Variants in CTNNA3 observed in about 807,000 individuals in gnomAD.
CTNNA3 encodes the protein catenin alpha 3.
CTNNA3 carries 76 observed loss-of-function variants against 95.7 expected under a neutral mutation model. The observed-to-expected ratio is 0.79, with a 90% CI of 0.66 to 0.96. The LOEUF is 0.96. CTNNA3 is among the 40% of genes least tolerant of loss of function. The pLI is 0.00. For missense variants in CTNNA3, 1,191 were observed against 1,089.8 expected, an observed-to-expected ratio of 1.09 and a Z score of -1.31; for synonymous variants, 431 against 374.4, an observed-to-expected ratio of 1.15 and a Z score of -1.74.
At position 65,919,008 on chromosome 10, in the gene CTNNA3, C is replaced by A. The variant is rs548609584; in HGVS notation, c.*1322G>T. The A allele has an allele frequency of 3.3e-5, 5 of 151,682 alleles. No homozygotes were observed. The East Asian group carries it at 9.7e-4, about 29-fold the overall frequency. The allele number at this position is 151,682 out of a possible 1,614,324, so 9.4% of individuals were successfully genotyped here. ...AGAAGTAAAAAGGTACAATATAATA[C>A]TATTATGATAATGTAGAATAGAAAA... On this transcript the variant is annotated 3_prime_UTR_variant, in exon 18 of 18. Coordinates refer to ENST00000433211, the MANE Select transcript of CTNNA3 (RefSeq NM_013266.4).
upstream of CTNNA3, among the ~76,000 whole-genome samples, chr10:67,696,910 G>A (rs1186122814): frequency 3.3e-5 from 5 of 151,936 alleles, no homozygotes; most frequent in East Asian, 7.7e-4. Context: ...CCATTTTTCC[G>A]ACTTTCTTCT....
intron 1 of CTNNA3, among the ~76,000 whole-genome samples, chr10:67,659,842 T>C (rs1840129570): frequency 6.6e-6 from 1 of 152,196 alleles, no homozygotes; most frequent in South Asian, 2.1e-4. Context: ...TCTGATATTT[T>C]TAAAAAGCAG....
chr10:67,019,270 G>A (rs1852843654), intron 7 of CTNNA3, among the ~76,000 whole-genome samples: 1 of 152,172 alleles, frequency 6.6e-6, no homozygotes, highest in Non-Finnish European at 1.5e-5. Context: ...CCAGGCTGGA[G>A]TGTAATGGCG....
chr10:67,580,280 C>T (rs1842337976), intron 3 of CTNNA3, among the ~76,000 whole-genome samples: 2 of 152,170 alleles, frequency 1.3e-5, no homozygotes, highest in African/African-American at 4.8e-5. Flanking sequence ...ATATGGCTAG[C>T]AAGTTTTCCC....
rs372418437 is a variant in CTNNA3, at chr10:66,621,361, C to T, written c.1374+331G>A. 5.3e-5 allele frequency among the ~76,000 whole-genome samples: 8 copies of T among 151,966 alleles called. 1 individual carries two copies. In the East Asian group the frequency reaches 9.7e-4, roughly 18 times the overall value. On this transcript the variant is annotated intron_variant, in intron 10 of 17. Transcript: ENST00000433211. ...CATTTTGGCTGGGCACGGTGGCTCA[C>T]GCCTGTAATCCCAACAGTTTGGGAG... is the stretch of plus-strand genomic sequence containing the variant.
In CTNNA3 at chr10:67,726,398, T is replaced by C. The variant is rs1258795136; in HGVS notation, c.-2+37036A>G. ...ATTATATATGAAATTATATATATTA[T>C]ATATTATATCATATATAATATTATA... On this transcript the variant is annotated intron_variant, in intron 1 of 17. Coordinates refer to the CTNNA3 transcript ENST00000684154. Among the ~76,000 whole-genome samples, 18 of 66,138 alleles carry C rather than the reference T, an allele frequency of 2.7e-4. 2 individuals are homozygous for C. The highest frequency in any genetic ancestry group is 5.3e-4 in the Admixed American group (2 of 3,746). The allele number at this position is 66,138 out of a possible 152,430, so 43.4% of individuals were successfully genotyped here.
At chr10:66,451,134 G>A (rs4746592) in intron 11 of CTNNA3, among the ~76,000 whole-genome samples, 58,174 of 151,878 alleles carry the variant, frequency 0.38, 11,714 homozygotes, top group African/African-American at 0.5. Context: ...AATTGCCTTC[G>A]TGTGATAGTC....
chr10:67,032,546 A>T (rs1326959486), intron 7 of CTNNA3, among the ~76,000 whole-genome samples: 1 of 152,158 alleles, frequency 6.6e-6, no homozygotes, highest in Non-Finnish European at 1.5e-5. Flanking sequence ...CTCTCTACAG[A>T]TTTCTTTTAT....
intron 7 of CTNNA3, among the ~76,000 whole-genome samples, chr10:66,931,195 A>AAAG (rs1211160054): frequency 6.7e-6 from 1 of 148,742 alleles, no homozygotes. Context: ...CAACAGTTAA[A>AAAG]AAAAAAAAAA....
intron 10 of CTNNA3, among the ~76,000 whole-genome samples, chr10:66,598,452 G>C (rs953774505): frequency 6.6e-6 from 1 of 151,936 alleles, no homozygotes. Context: ...ATCCAAATTG[G>C]AAATGAGGAA....
intron 7 of CTNNA3, among the ~76,000 whole-genome samples, chr10:67,039,668 A>T (rs1854276141): frequency 6.6e-6 from 1 of 152,140 alleles, no homozygotes; most frequent in African/African-American, 2.4e-5. Flanking sequence ...ATCATGACAG[A>T]ACACCAGCAT....
At chr10:67,595,711 C>CT (rs2133356789) in intron 3 of CTNNA3, among the ~76,000 whole-genome samples, 1 of 152,240 alleles carries the variant, frequency 6.6e-6, no homozygotes, top group East Asian at 1.9e-4. Context: ...CATGGTCTGT[C>CT]TAATTCTGTC....
chr10:66,909,147 C>G (rs1846115938), intron 7 of CTNNA3, among the ~76,000 whole-genome samples: 2 of 152,098 alleles, frequency 1.3e-5, no homozygotes, highest in Admixed American at 1.3e-4. Flanking sequence ...GAAGAGTAAA[C>G]AGCTCCAAAT....
intron 5 of CTNNA3, among the ~76,000 whole-genome samples, chr10:67,507,723 T>C (rs1409923907): frequency 6.6e-6 from 1 of 152,164 alleles, no homozygotes; most frequent in African/African-American, 2.4e-5. Context: ...ACTCATTTTA[T>C]GAGGCCAACA....
At chr10:66,399,480 CT>C (rs747796670) in intron 11 of CTNNA3, among the ~76,000 whole-genome samples, 9 of 151,850 alleles carry the variant, frequency 5.9e-5, no homozygotes, top group Non-Finnish European at 1.3e-4. Flanking sequence ...ATATGGCACC[CT>C]ACATTCCATC....
rs1190639104 is a variant in CTNNA3 at position 65,971,954 on chromosome 10, A to G, written c.2266-5208T>C. The stretch of plus-strand genomic sequence containing the variant: ...AATTTAGTGGCACATCAAAAAGTTA[A>G]TTCACTATGATCAAGTAGACTTAAT... On this transcript the variant is annotated intron_variant, in intron 16 of 17. Transcript: ENST00000433211. 2.0e-5 allele frequency among the ~76,000 whole-genome samples: 3 copies of G among 152,156 alleles called. No homozygotes were observed. In the East Asian group the frequency reaches 5.8e-4, roughly 29 times the overall value.
At chr10:67,705,414 G>T (rs557729918) in intron 1 of CTNNA3, among the ~76,000 whole-genome samples, 1 of 149,802 alleles carries the variant, frequency 6.7e-6, no homozygotes, top group South Asian at 2.1e-4. Flanking sequence ...TTAAGAAAAT[G>T]TGGCACATAT....
At chr10:66,415,867 G>T (rs1197212069) in intron 11 of CTNNA3, among the ~76,000 whole-genome samples, 1 of 152,024 alleles carries the variant, frequency 6.6e-6, no homozygotes, top group South Asian at 2.1e-4. Flanking sequence ...AAAGCAAATT[G>T]AAAAAGTTAG....
chr10:67,387,580 C>T (rs563603705), intron 5 of CTNNA3, among the ~76,000 whole-genome samples: 8 of 152,304 alleles, frequency 5.3e-5, no homozygotes, highest in African/African-American at 1.7e-4. Context: ...GGCCTGCCTG[C>T]CTCTGTAGGC....
Sources: allele counts gnomAD v4.1 joint callset (sites outside exome capture counted in the v4.1 genomes callset), GRCh38; gene constraint gnomAD v4.1.1; transcripts MANE v1.5; gene names NCBI Gene and HGNC (gene_info 2026-07-23, HGNC 2026-07-21).